AFF3: variants seen among roughly 807,000 people sequenced by gnomAD.
The protein encoded by AFF3 is AF4/FMR2 family member 3.
A neutral mutation model predicts 129.7 loss-of-function variants in AFF3; 32 were observed. The ratio of observed to expected loss-of-function variants is 0.25; its 90% CI spans 0.19 to 0.33. The LOEUF is 0.33. Ranked by LOEUF, AFF3 falls within the 10% of genes least tolerant of loss-of-function variation. The pLI, the probability that AFF3 is intolerant of heterozygous loss-of-function variation, is 1.00. For missense variants in AFF3, 1,373 were observed against 1,592.0 expected, an observed-to-expected ratio of 0.86 and a Z score of 2.34; for synonymous variants, 644 against 635.4, an observed-to-expected ratio of 1.01 and a Z score of -0.20.
intron 8 of AFF3, among the ~76,000 whole-genome samples, chr2:99,791,511 C>T (rs1685186044): frequency 6.6e-6 from 1 of 152,200 alleles, no homozygotes; most frequent in South Asian, 2.1e-4. Context: ...CGTTTTTGAT[C>T]TGCGGTTCAT....
chr2:99,858,324 T>C (rs570507302), intron 7 of AFF3, among the ~76,000 whole-genome samples: 1 of 150,816 alleles, frequency 6.6e-6, no homozygotes, highest in East Asian at 1.9e-4. Context: ...GGGGGGCGGA[T>C]TGCTTGAGCC....
intron 8 of AFF3, among the ~76,000 whole-genome samples, chr2:99,757,222 C>T (rs1682187025): frequency 6.6e-6 from 1 of 152,214 alleles, no homozygotes; most frequent in Non-Finnish European, 1.5e-5. Flanking sequence ...CCTAAAAGCA[C>T]ATCCAGGTCT....
chr2:99,895,158 G>A (rs758680049), intron 7 of AFF3, among the ~76,000 whole-genome samples: 1 of 152,204 alleles, frequency 6.6e-6, no homozygotes, highest in East Asian at 1.9e-4. Flanking sequence ...GTTGATGCAT[G>A]AGCATGGCTA....
chr2:100,009,703 A>C (rs1682334325), intron 4 of AFF3, among the ~76,000 whole-genome samples: 1 of 152,224 alleles, frequency 6.6e-6, no homozygotes, highest in South Asian at 2.1e-4. Flanking sequence ...AGAAATGAGG[A>C]AGAAATAAAG....
At chr2:100,022,806 T>C (rs890409677) in intron 4 of AFF3, among the ~76,000 whole-genome samples, 1 of 152,202 alleles carries the variant, frequency 6.6e-6, no homozygotes, top group African/African-American at 2.4e-5. Flanking sequence ...GATATGGAGA[T>C]AAATTTATTA....
chr2:99,593,063 G>T, intron 15 of AFF3, 132 bp downstream of exon 15: 1 of 974,412 alleles, frequency 1.0e-6, no homozygotes, highest in Non-Finnish European at 1.5e-6. Flanking sequence ...TGTTAGGTAA[G>T]GACACACAAA....
intron 20 of AFF3, among the ~76,000 whole-genome samples, chr2:99,563,614 C>T: frequency 6.6e-6 from 1 of 151,102 alleles, no homozygotes; most frequent in East Asian, 2.0e-4. Context: ...AGTTCAAGAC[C>T]ATCCTGACCA....
chr2:100,115,148 C>T lies in AFF3; in HGVS notation c.-144-9565G>A, dbSNP rs140610025. ...TCATAGCTCAATTGCATTGTAATCA[C>T]AGAGCAGACTCTTTATCTATCATTT... On this transcript the variant is annotated intron_variant, in intron 2 of 24. Transcript: ENST00000672756. Among the ~76,000 whole-genome samples, 1,095 of 152,286 alleles carry T rather than the reference C, an allele frequency of 7.2e-3. 15 individuals carry two copies. The highest frequency in any genetic ancestry group is 0.025 in the African/African-American group (1,057 of 41,548).
At chr2:99,671,880 T>C (rs185442642) in intron 12 of AFF3, among the ~76,000 whole-genome samples, 2 of 152,188 alleles carry the variant, frequency 1.3e-5, no homozygotes, top group African/African-American at 4.8e-5. Flanking sequence ...GTTAAGTGGA[T>C]ATTTTTTCAC....
At chr2:99,819,746 T>C (rs1037698676) in intron 8 of AFF3, among the ~76,000 whole-genome samples, 14 of 152,234 alleles carry the variant, frequency 9.2e-5, no homozygotes, top group African/African-American at 3.4e-4. Flanking sequence ...AAAGCTGTTG[T>C]TGAACGCAGG....
intron 8 of AFF3, among the ~76,000 whole-genome samples, chr2:99,780,624 T>C (rs1157942716): frequency 6.6e-5 from 10 of 152,208 alleles, no homozygotes; most frequent in Non-Finnish European, 1.5e-4. Flanking sequence ...CATTTAAAAC[T>C]CAACTCTCGA....
At chr2:99,727,980 T>C (rs1293216383) in intron 10 of AFF3, among the ~76,000 whole-genome samples, 3 of 152,146 alleles carry the variant, frequency 2.0e-5, no homozygotes, top group African/African-American at 7.2e-5. Context: ...TAAAGCAGAA[T>C]GAGATGTAAA....
At chr2:99,990,094 T>C (rs375524684) in intron 7 of AFF3, among the ~76,000 whole-genome samples, 15 of 152,242 alleles carry the variant, frequency 9.9e-5, no homozygotes, top group African/African-American at 3.6e-4. Context: ...ACAGACATTA[T>C]CAAGGGCCTT....
chr2:99,622,855 G>C (rs1372235746), intron 13 of AFF3, among the ~76,000 whole-genome samples: 1 of 152,162 alleles, frequency 6.6e-6, no homozygotes, highest in African/African-American at 2.4e-5. Flanking sequence ...GCACAGGCAG[G>C]ACGACTCAGA....
chr2:99,824,721 C>G (rs1272327063), intron 8 of AFF3, among the ~76,000 whole-genome samples: 1 of 152,054 alleles, frequency 6.6e-6, no homozygotes, highest in Non-Finnish European at 1.5e-5. Context: ...TGAAGAGGTC[C>G]ACCTACCCTG....
chr2:100,117,533 G>A (rs1691780182), intron 2 of AFF3, among the ~76,000 whole-genome samples: 1 of 151,878 alleles, frequency 6.6e-6, no homozygotes, highest in Non-Finnish European at 1.5e-5. Context: ...TTATCTTTTT[G>A]CCTTTTGGAG....
At chr2:99,683,329 T>C (rs1674708899) in intron 11 of AFF3, among the ~76,000 whole-genome samples, 1 of 152,244 alleles carries the variant, frequency 6.6e-6, no homozygotes, top group African/African-American at 2.4e-5. Flanking sequence ...AGAAAACATT[T>C]TATACAGTGT....
At chr2:99,661,087 G>A (rs1026813075) in intron 12 of AFF3, among the ~76,000 whole-genome samples, 13 of 152,204 alleles carry the variant, frequency 8.5e-5, no homozygotes, top group African/African-American at 3.1e-4. Context: ...ATGAGGGATA[G>A]CGTATACTCC....
At chr2:99,950,674 T>C (rs146601795) in intron 7 of AFF3, among the ~76,000 whole-genome samples, 28 of 152,346 alleles carry the variant, frequency 1.8e-4, no homozygotes, top group African/African-American at 6.3e-4. Flanking sequence ...TCCAAATTCA[T>C]AGATTGAAAA....
Sources: gnomAD v4.1 joint callset for allele counts (sites outside exome capture counted in the v4.1 genomes callset) on GRCh38, gnomAD v4.1.1 for gene constraint, MANE v1.5 for transcripts, NCBI Gene and HGNC (gene_info 2026-07-23, HGNC 2026-07-21) for gene names.